The following FAM193A variants were observed in gnomAD, a reference collection of about 807,000 sequenced individuals.
FAM193A encodes family with sequence similarity 193 member A.
FAM193A carries 22 observed loss-of-function variants against 126.5 expected under a neutral mutation model. That is an observed-to-expected ratio of 0.17 (90% CI 0.12 to 0.25). The LOEUF is 0.25. Among genes scored for constraint, FAM193A ranks in the 10% least tolerant of loss-of-function variants. The pLI, the probability that FAM193A is intolerant of heterozygous loss-of-function variation, is 1.00. For missense variants in FAM193A, 1,675 were observed against 1,672.8 expected (o/e 1.00, Z -0.02); for synonymous variants, 761 against 646.8 (o/e 1.18, Z -2.68).
At chr4:2,545,346 A>G (rs1381482500) in intron 1 of FAM193A, among the ~76,000 whole-genome samples, 1 of 152,158 alleles carries the variant, frequency 6.6e-6, no homozygotes, top group African/African-American at 2.4e-5. Flanking sequence ...CTTTGGCTCA[A>G]CATTATATTT....
chr4:2,658,282 C>T (rs1711955914), intron 8 of FAM193A, among the ~76,000 whole-genome samples: 1 of 152,142 alleles, frequency 6.6e-6, no homozygotes, highest in Non-Finnish European at 1.5e-5. Flanking sequence ...GGGGGCCCAG[C>T]ATCCCCAGAC....
chr4:2,717,741 C>G (rs1482295073), intron 20 of FAM193A, among the ~76,000 whole-genome samples: 1 of 141,616 alleles, frequency 7.1e-6, no homozygotes, highest in African/African-American at 2.7e-5. Flanking sequence ...GGCAACAGAG[C>G]AAGACCCTGT....
intron 1 of FAM193A, among the ~76,000 whole-genome samples, chr4:2,585,701 C>T (rs1211513011): frequency 2.6e-5 from 4 of 151,814 alleles, no homozygotes; most frequent in South Asian, 2.1e-4. Flanking sequence ...CCAAAGTGGG[C>T]GGATCACCTG....
intron 1 of FAM193A, among the ~76,000 whole-genome samples, chr4:2,542,617 A>C (rs1737299894): frequency 6.6e-6 from 1 of 152,202 alleles, no homozygotes; most frequent in Admixed American, 6.6e-5. Context: ...ACAGATGGTG[A>C]GCTTTTTGGA....
chr4:2,581,132 A>AAC (rs1739904242), intron 1 of FAM193A, among the ~76,000 whole-genome samples: 3 of 138,324 alleles, frequency 2.2e-5, no homozygotes, highest in Non-Finnish European at 4.7e-5. Flanking sequence ...CCGTCTCAAA[A>AAC]AACAACAACA....
chr4:2,646,372 A>G (rs921608762), intron 6 of FAM193A, among the ~76,000 whole-genome samples: 5 of 151,738 alleles, frequency 3.3e-5, no homozygotes, highest in African/African-American at 9.7e-5. Flanking sequence ...GGGTTTCACC[A>G]TATTGGTCAT....
chr4:2,668,296 C>T (rs1226974396), intron 12 of FAM193A, among the ~76,000 whole-genome samples: 1 of 151,754 alleles, frequency 6.6e-6, no homozygotes, highest in African/African-American at 2.4e-5. Flanking sequence ...TCACTGCAAC[C>T]TCTGCTTCCC....
chr4:2,539,178 C>T (rs1737071804), intron 1 of FAM193A, among the ~76,000 whole-genome samples: 1 of 152,202 alleles, frequency 6.6e-6, no homozygotes, highest in South Asian at 2.1e-4. Context: ...AGGCGTGAGC[C>T]ACCGTGCCCA....
chr4:2,562,880 G>T (rs1341897174), intron 1 of FAM193A, among the ~76,000 whole-genome samples: 2 of 146,778 alleles, frequency 1.4e-5, no homozygotes, highest in East Asian at 2.1e-4. Context: ...TGCTCGCCTT[G>T]GCCTTCCAAA....
At chr4:2,587,112 A>G (rs904348652) in intron 1 of FAM193A, among the ~76,000 whole-genome samples, 3 of 152,160 alleles carry the variant, frequency 2.0e-5, no homozygotes, top group African/African-American at 7.2e-5. Flanking sequence ...GAGGCTGGAT[A>G]ATTTTGCTCC....
At chr4:2,688,036 C>T (rs758125543) in intron 13 of FAM193A, among the ~76,000 whole-genome samples, 12 of 152,182 alleles carry the variant, frequency 7.9e-5, no homozygotes, top group Admixed American at 1.3e-4. Flanking sequence ...AAAGAATTCA[C>T]TACTCATTTC....
chr4:2,721,572 A>C (rs1257296058), intron 20 of FAM193A, among the ~76,000 whole-genome samples: 2 of 152,242 alleles, frequency 1.3e-5, no homozygotes, highest in Non-Finnish European at 2.9e-5. Context: ...CAGCCTGACC[A>C]AGGAGCCCCA....
At chr4:2,567,739 T>C (rs1214605413) in intron 1 of FAM193A, among the ~76,000 whole-genome samples, 1 of 152,226 alleles carries the variant, frequency 6.6e-6, no homozygotes, top group Non-Finnish European at 1.5e-5. Flanking sequence ...GTGCACCTTG[T>C]GCCATGCCCA....
intron 5 of FAM193A, among the ~76,000 whole-genome samples, chr4:2,636,909 A>G (rs941302351): frequency 8.5e-5 from 13 of 152,240 alleles, no homozygotes; most frequent in Non-Finnish European, 1.5e-4. Context: ...TCTTGGACAT[A>G]GAAAGGTATT....
intron 2 of FAM193A, among the ~76,000 whole-genome samples, chr4:2,617,263 T>TATATATATATATATA (rs1491092623): frequency 1.4e-4 from 3 of 21,904 alleles, no homozygotes; most frequent in African/African-American, 5.2e-4. Flanking sequence ...TATATATATA[T>TATATATATATATATA]TTTTTTTTTT....
intron 1 of FAM193A, among the ~76,000 whole-genome samples, chr4:2,580,648 G>C (rs1162492444): frequency 6.6e-6 from 1 of 152,196 alleles, no homozygotes; most frequent in African/African-American, 2.4e-5. Context: ...TTGTTAAAAA[G>C]AGTCTGGGGC....
chr4:2,565,697 C>T (rs1738901241), intron 1 of FAM193A, among the ~76,000 whole-genome samples: 1 of 152,180 alleles, frequency 6.6e-6, no homozygotes, highest in African/African-American at 2.4e-5. Context: ...GCATAGGGAA[C>T]TGCTTACAGC....
chr4:2,588,622 G>A (rs1035448930), intron 1 of FAM193A, among the ~76,000 whole-genome samples: 1 of 152,104 alleles, frequency 6.6e-6, no homozygotes, highest in African/African-American at 2.4e-5. Flanking sequence ...TTTGCTTCAG[G>A]TCACTTAATT....
At chr4:2,677,634 G>A (rs1026495629) in intron 13 of FAM193A, among the ~76,000 whole-genome samples, 5 of 151,694 alleles carry the variant, frequency 3.3e-5, no homozygotes, top group Non-Finnish European at 7.4e-5. Flanking sequence ...CCAGTTACTC[G>A]GGAGGCTGAG....
Sources: gnomAD v4.1 joint callset for allele counts (sites outside exome capture counted in the v4.1 genomes callset) on GRCh38, gnomAD v4.1.1 for gene constraint, MANE v1.5 for transcripts, NCBI Gene and HGNC (gene_info 2026-07-23, HGNC 2026-07-21) for gene names.